LPAR1: variants seen among roughly 807,000 people sequenced by gnomAD.
LPAR1 encodes LPA receptor 1.
LPAR1 carries 5 observed loss-of-function variants against 23.8 expected under a neutral mutation model. That is an observed-to-expected ratio of 0.21 (90% confidence interval 0.11 to 0.44). LPAR1 has a LOEUF of 0.44. Ranked by LOEUF, LPAR1 falls within the 20% of genes least tolerant of loss-of-function variation. The pLI, the probability that LPAR1 is intolerant of heterozygous loss-of-function variation, is 0.99. For synonymous variants in LPAR1, 160 were observed against 164.7 expected, an observed-to-expected ratio of 0.97 and a Z score of 0.22; for missense variants, 311 against 482.8, an observed-to-expected ratio of 0.64 and a Z score of 3.33.
At position 111,036,170 on chromosome 9, in the gene LPAR1, G is replaced by A. The variant is rs531088024; in HGVS notation, c.-230C>T. ...TCACAGGGAGACTGAAATCCATGCTGAGTGCCCACAGACCTGGGCAGGAGC... is the reference window on the plus strand; with the variant it reads ...TCACAGGGAGACTGAAATCCATGCTAAGTGCCCACAGACCTGGGCAGGAGC... On this transcript the variant is annotated 5_prime_UTR_variant, in exon 2 of 6. Transcript: ENST00000683809. 1 of 152,290 alleles carries A rather than the reference G, an allele frequency of 6.6e-6. No individual in the cohort carries two copies. Among genetic ancestry groups the A allele is most frequent in the South Asian group, 2.1e-4 (1 of 4,818 alleles). The allele number at this position is 152,290 out of a possible 1,614,324, so 9.4% of individuals were successfully genotyped here. A position where few individuals can be genotyped will look rare whatever the true frequency, so the allele number is the denominator to read the frequency against.
At chr9:111,034,576 A>C (rs1418910602) in intron 2 of LPAR1, among the ~76,000 whole-genome samples, 1 of 152,218 alleles carries the variant, frequency 6.6e-6, no homozygotes, top group Non-Finnish European at 1.5e-5. Flanking sequence ...GTAGGGAGGA[A>C]GAAACTACTT....
chr9:110,891,117 T>C (rs188954132), intron 5 of LPAR1, among the ~76,000 whole-genome samples: 251 of 152,320 alleles, frequency 1.6e-3, no homozygotes, highest in Non-Finnish European at 2.8e-3. Context: ...TAAGTTGTCC[T>C]CAGATTGCCT....
intron 4 of LPAR1, among the ~76,000 whole-genome samples, chr9:110,954,988 C>A (rs1376160575): frequency 6.6e-5 from 10 of 151,918 alleles, no homozygotes; most frequent in Non-Finnish European, 1.5e-5. Context: ...AAGAAAACCA[C>A]AAAACCACAA....
intron 4 of LPAR1, among the ~76,000 whole-genome samples, chr9:110,957,353 T>A (rs12552692): frequency 0.054 from 6,591 of 121,356 alleles, 253 homozygotes; most frequent in African/African-American, 0.12. Context: ...AAAAAAAAAA[T>A]AATAATAATA....
At chr9:110,943,160 G>A (rs1214628101) in intron 4 of LPAR1, among the ~76,000 whole-genome samples, 1 of 148,132 alleles carries the variant, frequency 6.8e-6, no homozygotes, top group Non-Finnish European at 1.5e-5. Context: ...AACAAAATTA[G>A]AAAATAAGTA....
At chr9:110,880,130 A>T (rs182379286) in intron 5 of LPAR1, among the ~76,000 whole-genome samples, 1 of 152,350 alleles carries the variant, frequency 6.6e-6, no homozygotes, top group East Asian at 1.9e-4. Context: ...CAATATTACA[A>T]GTAACATGGG....
intron 2 of LPAR1, among the ~76,000 whole-genome samples, chr9:111,026,840 T>C (rs2097700950): frequency 6.6e-6 from 1 of 152,224 alleles, no homozygotes; most frequent in Non-Finnish European, 1.5e-5. Context: ...TATTGATTTG[T>C]ATACACCGAA....
At chr9:111,016,495 G>A (rs1203782089) in intron 2 of LPAR1, among the ~76,000 whole-genome samples, 2 of 152,096 alleles carry the variant, frequency 1.3e-5, no homozygotes, top group Non-Finnish European at 2.9e-5. Context: ...GGCATCAACT[G>A]TCAGAGCCTT....
intron 5 of LPAR1, among the ~76,000 whole-genome samples, chr9:110,929,297 G>A (rs1213311002): frequency 6.6e-6 from 1 of 152,018 alleles, no homozygotes; most frequent in Non-Finnish European, 1.5e-5. Context: ...CTTCTCAGAG[G>A]CACAGGCTCT....
At chr9:110,992,884 G>A (rs1166303249) in intron 2 of LPAR1, among the ~76,000 whole-genome samples, 1 of 152,174 alleles carries the variant, frequency 6.6e-6, no homozygotes, top group African/African-American at 2.4e-5. Context: ...GCTGAGGAGT[G>A]TTGGATATGT....
At chr9:110,907,599 G>A (rs1191201388) in intron 5 of LPAR1, among the ~76,000 whole-genome samples, 1 of 152,050 alleles carries the variant, frequency 6.6e-6, no homozygotes, top group Non-Finnish European at 1.5e-5. Context: ...ATTCTCTCTT[G>A]ACATTCACAT....
chr9:110,984,620 A>G (rs2096741755), intron 2 of LPAR1, among the ~76,000 whole-genome samples: 1 of 152,050 alleles, frequency 6.6e-6, no homozygotes, highest in Non-Finnish European at 1.5e-5. Context: ...ATCATATGGT[A>G]TAATTAAGAT....
intron 4 of LPAR1, among the ~76,000 whole-genome samples, chr9:110,958,131 G>A (rs762799633): frequency 1.3e-4 from 20 of 152,044 alleles, no homozygotes; most frequent in Non-Finnish European, 2.2e-4. Context: ...ACGAATTAAC[G>A]TTGTTAAAAT....
intron 5 of LPAR1, among the ~76,000 whole-genome samples, chr9:110,922,936 C>T (rs1010362053): frequency 1.3e-5 from 2 of 151,410 alleles, no homozygotes; most frequent in African/African-American, 2.4e-5. Context: ...GTTTGCTGCA[C>T]CCATCAACCC....
At chr9:110,876,738 C>A (rs963913505) in intron 5 of LPAR1, among the ~76,000 whole-genome samples, 4 of 152,180 alleles carry the variant, frequency 2.6e-5, no homozygotes, top group Non-Finnish European at 4.4e-5. Context: ...TCTCTTTCTT[C>A]CCCCAATTAT....
intron 5 of LPAR1, among the ~76,000 whole-genome samples, chr9:110,883,890 C>T (rs2081573952): frequency 6.6e-6 from 1 of 152,150 alleles, no homozygotes; most frequent in Admixed American, 6.5e-5. Flanking sequence ...ATTTTACATA[C>T]CTAGGTGGCA....
At chr9:111,012,567 T>C (rs1273448158) in intron 2 of LPAR1, among the ~76,000 whole-genome samples, 1 of 152,034 alleles carries the variant, frequency 6.6e-6, no homozygotes, top group Non-Finnish European at 1.5e-5. Context: ...ATGGTAAAGC[T>C]AGGATTAGAA....
At chr9:111,002,329 T>C (rs912385511) in intron 2 of LPAR1, among the ~76,000 whole-genome samples, 6 of 152,228 alleles carry the variant, frequency 3.9e-5, no homozygotes, top group Non-Finnish European at 8.8e-5. Context: ...TCATCTGTTA[T>C]ACTTTTCTTG....
chr9:110,939,645 A>G (rs1007605265), intron 5 of LPAR1, among the ~76,000 whole-genome samples: 24 of 152,138 alleles, frequency 1.6e-4, no homozygotes, highest in African/African-American at 5.8e-4. Context: ...TTCAACCTGA[A>G]AAACAACCCA....
Sources: allele counts gnomAD v4.1 joint callset (sites outside exome capture counted in the v4.1 genomes callset), GRCh38; gene constraint gnomAD v4.1.1; transcripts MANE v1.5; gene names NCBI Gene and HGNC (gene_info 2026-07-23, HGNC 2026-07-21).